The following PTPRG variants were observed in gnomAD, a reference collection of about 807,000 sequenced individuals.
The protein encoded by PTPRG is receptor-type tyrosine-protein phosphatase gamma.
In PTPRG, 102 loss-of-function variants were observed where a neutral mutation model predicts 165.3. The ratio of observed to expected loss-of-function variants is 0.62; its 90% confidence interval spans 0.53 to 0.73. PTPRG has a LOEUF of 0.73. PTPRG is among the 30% of genes least tolerant of loss of function. The pLI, the probability that PTPRG is intolerant of heterozygous loss-of-function variation, is 0.00. For synonymous variants in PTPRG, 675 were observed against 669.5 expected, an observed-to-expected ratio of 1.01 and a Z score of -0.13; for missense variants, 1,866 against 1,861.4, an observed-to-expected ratio of 1.00 and a Z score of -0.05.
At chr3:61,573,564 C>T (rs868296422) in intron 1 of PTPRG, among the ~76,000 whole-genome samples, 10 of 152,098 alleles carry the variant, frequency 6.6e-5, no homozygotes, top group African/African-American at 1.7e-4. Context: ...AAGTGGTCAC[C>T]GTGATACGCA....
chr3:62,206,444 G>A (rs751744037), intron 12 of PTPRG, among the ~76,000 whole-genome samples: 1 of 152,120 alleles, frequency 6.6e-6, no homozygotes, highest in Admixed American at 6.5e-5. Flanking sequence ...TTGCAAAGTG[G>A]AGCTAATGAT....
intron 8 of PTPRG, among the ~76,000 whole-genome samples, chr3:62,176,335 G>A (rs536779710): frequency 1.3e-5 from 2 of 152,286 alleles, no homozygotes; most frequent in East Asian, 3.9e-4. Context: ...AACGTTCAGA[G>A]AGGGTAAGTG....
At chr3:61,893,396 G>T (rs2038268274) in intron 2 of PTPRG, among the ~76,000 whole-genome samples, 1 of 152,172 alleles carries the variant, frequency 6.6e-6, no homozygotes, top group South Asian at 2.1e-4. Context: ...ACCCCATAAG[G>T]TAGTCAATGT....
chr3:62,199,403 G>T (rs539684680), intron 10 of PTPRG, among the ~76,000 whole-genome samples: 2 of 152,278 alleles, frequency 1.3e-5, no homozygotes, highest in East Asian at 3.9e-4. Context: ...GCCATCAGTG[G>T]GAAATTGGAG....
At chr3:61,981,359 C>T (rs535387610) in intron 2 of PTPRG, among the ~76,000 whole-genome samples, 54 of 152,334 alleles carry the variant, frequency 3.5e-4, no homozygotes, top group African/African-American at 9.1e-4. Context: ...ATCTTCCAGG[C>T]GCTAACTGGC....
intron 1 of PTPRG, among the ~76,000 whole-genome samples, chr3:61,591,993 G>GTTA (rs1700581198): frequency 1.3e-5 from 2 of 149,426 alleles, no homozygotes; most frequent in African/African-American, 4.9e-5. Flanking sequence ...TTTTTTTTTG[G>GTTA]ATGGAGTTTC....
chr3:62,033,574 AC>A (rs1699844927), intron 4 of PTPRG, among the ~76,000 whole-genome samples: 1 of 124,768 alleles, frequency 8.0e-6, no homozygotes, highest in African/African-American at 3.0e-5. Context: ...CCTGTGTTCC[AC>A]GCTGGTCTTG....
intron 2 of PTPRG, among the ~76,000 whole-genome samples, chr3:61,856,508 C>T (rs1321591039): frequency 6.6e-6 from 1 of 152,154 alleles, no homozygotes; most frequent in African/African-American, 2.4e-5. Flanking sequence ...GCCATCTCAA[C>T]CTTGGTTCCA....
At chr3:62,167,835 C>A in intron 7 of PTPRG, 136 bp from the exon 8 acceptor site, 1 of 819,854 alleles carries the variant, frequency 1.2e-6, no homozygotes, top group Non-Finnish European at 1.9e-6. Context: ...GGTTTAGCAG[C>A]CCTGGCATTG....
At chr3:61,914,538 G>A (rs1040447276) in intron 2 of PTPRG, among the ~76,000 whole-genome samples, 3 of 152,166 alleles carry the variant, frequency 2.0e-5, no homozygotes, top group African/African-American at 7.2e-5. Flanking sequence ...TTCACGTTCC[G>A]AGTTTAAGCA....
chr3:62,137,010 CTT>C (rs1384562332), intron 6 of PTPRG, among the ~76,000 whole-genome samples: 1 of 152,086 alleles, frequency 6.6e-6, no homozygotes, highest in African/African-American at 2.4e-5. Context: ...CAAATTGTGA[CTT>C]TTACTAACTC....
At chr3:61,726,608 A>G (rs187886452) in intron 1 of PTPRG, among the ~76,000 whole-genome samples, 5 of 152,326 alleles carry the variant, frequency 3.3e-5, no homozygotes, top group East Asian at 3.9e-4. Flanking sequence ...ATCTTCTCCA[A>G]TGCATGCCCC....
At chr3:61,898,537 A>T (rs1013906497) in intron 2 of PTPRG, among the ~76,000 whole-genome samples, 1 of 152,220 alleles carries the variant, frequency 6.6e-6, no homozygotes, top group Non-Finnish European at 1.5e-5. Flanking sequence ...TAGATGATAC[A>T]TCAGAATCAT....
At chr3:61,770,461 C>T (rs538717180) in intron 2 of PTPRG, 2 of 152,172 alleles carry the variant, frequency 1.3e-5, no homozygotes, top group East Asian at 1.9e-4. Flanking sequence ...AATATACATA[C>T]GTTGGTGCAA....
chr3:62,151,948 G>T (rs974996426), intron 6 of PTPRG, among the ~76,000 whole-genome samples: 1 of 152,062 alleles, frequency 6.6e-6, no homozygotes, highest in Admixed American at 6.5e-5. Flanking sequence ...TTACAGATGA[G>T]GAAACACTTA....
At chr3:61,878,289 G>A (rs191252203) in intron 2 of PTPRG, among the ~76,000 whole-genome samples, 39 of 152,308 alleles carry the variant, frequency 2.6e-4, no homozygotes, top group Admixed American at 9.8e-4. Context: ...AATAGCGATA[G>A]TAAATATGAG....
At chr3:62,023,722 A>G (rs556656160) in intron 4 of PTPRG, among the ~76,000 whole-genome samples, 5 of 152,332 alleles carry the variant, frequency 3.3e-5, no homozygotes, top group Admixed American at 3.3e-4. Context: ...GCTACCTGGC[A>G]AAACCAAGTC....
intron 5 of PTPRG, among the ~76,000 whole-genome samples, chr3:62,130,829 A>G (rs1703486607): frequency 6.6e-6 from 1 of 152,130 alleles, no homozygotes; most frequent in South Asian, 2.1e-4. Flanking sequence ...AGAATGTTTC[A>G]CGCTTCAGTC....
chr3:61,889,770 C>G (rs2366458), intron 2 of PTPRG, among the ~76,000 whole-genome samples: 1 of 152,048 alleles, frequency 6.6e-6, no homozygotes, highest in Non-Finnish European at 1.5e-5. Flanking sequence ...TATTTCCATC[C>G]TAAACTGCAG....
Sources: allele counts gnomAD v4.1 joint callset (sites outside exome capture counted in the v4.1 genomes callset), GRCh38; gene constraint gnomAD v4.1.1; transcripts MANE v1.5; gene names NCBI Gene and HGNC (gene_info 2026-07-23, HGNC 2026-07-21).